Variants in CORIN observed in about 807,000 individuals in gnomAD.
CORIN encodes corin, serine peptidase, also known as atrial natriuretic peptide-converting enzyme.
A neutral mutation model predicts 125.3 loss-of-function variants in CORIN; 117 were observed. That is an observed-to-expected ratio of 0.93 (90% confidence interval 0.80 to 1.09). The LOEUF is 1.09. Ranked by LOEUF, CORIN falls within the 50% of genes least tolerant of loss-of-function variation. CORIN has a pLI of 0.00. For synonymous variants in CORIN, 450 were observed against 466.4 expected (o/e 0.96, Z 0.45); for missense variants, 1,253 against 1,306.7 (o/e 0.96, Z 0.63).
intron 21 of CORIN, among the ~76,000 whole-genome samples, chr4:47,599,569 G>A (rs1721371813): frequency 6.6e-6 from 1 of 152,068 alleles, no homozygotes; most frequent in African/African-American, 2.4e-5. Flanking sequence ...TATAATGTTC[G>A]ATGTGTGTCT....
At position 47,670,283 on chromosome 4, in the gene CORIN, A is replaced by G. The variant is rs550675876; in HGVS notation, c.1357+4110T>C. 6.6e-5 allele frequency among the ~76,000 whole-genome samples: 10 copies of G among 152,300 alleles called. No individual in the cohort carries two copies. The South Asian group carries it at 1.9e-3, about 28-fold the overall frequency. On this transcript the variant is annotated intron_variant, in intron 10 of 21. Transcript: ENST00000273857. ...CTCCATGTCTTCATTCATTAATTCA[A>G]CGTGTTACCAAATGGTAATATTGTA...
rs200081124 is a variant in CORIN at position 47,611,736 on chromosome 4, TAA to T, written c.2541-8070_2541-8069del. ...CATGATATTGGCTGTGAGTTTGTCATAAGTGGCTGTTATTATTTAAGGGATGT... is the reference window on the plus strand; with the variant it reads ...CATGATATTGGCTGTGAGTTTGTCATGTGGCTGTTATTATTTAAGGGATGT... On this transcript the variant is annotated intron_variant, in intron 19 of 21. Coordinates refer to ENST00000273857, the MANE Select transcript of CORIN (RefSeq NM_006587.4). 1.8e-4 allele frequency among the ~76,000 whole-genome samples: 27 copies of T among 152,358 alleles called. No homozygotes were observed. In the East Asian group the frequency reaches 5.2e-3, roughly 29 times the overall value.
chr4:47,683,509 C>T (rs760544636), intron 7 of CORIN: 13 of 412,510 alleles, frequency 3.2e-5, no homozygotes, highest in Non-Finnish European at 5.2e-5. Context: ...TCCCATCCCA[C>T]TTCTTAAACA....
intron 4 of CORIN, among the ~76,000 whole-genome samples, chr4:47,760,587 T>C (rs1729402242): frequency 6.6e-6 from 1 of 152,254 alleles, no homozygotes; most frequent in African/African-American, 2.4e-5. Context: ...TTTAGCATAC[T>C]TGTTAACGGC....
At chr4:47,642,702 G>A (rs1723284291) in intron 15 of CORIN, 1 of 602,608 alleles carries the variant, frequency 1.7e-6, no homozygotes, top group Middle Eastern at 4.7e-4. Context: ...GGTAGGAGAT[G>A]TCTTTAATTC....
intron 8 of CORIN, among the ~76,000 whole-genome samples, chr4:47,679,380 T>A (rs1290158627): frequency 2.1e-5 from 3 of 142,082 alleles, no homozygotes; most frequent in South Asian, 2.3e-4. Flanking sequence ...TTTTTTTTTT[T>A]AAAGATGGAG....
chr4:47,605,462 C>A (rs1258980881), intron 19 of CORIN, among the ~76,000 whole-genome samples: 2 of 152,178 alleles, frequency 1.3e-5, no homozygotes, highest in African/African-American at 4.8e-5. Context: ...CACTCCCAGT[C>A]TCTCCTCCAC....
intron 19 of CORIN, among the ~76,000 whole-genome samples, chr4:47,606,203 C>T (rs1721638663): frequency 6.6e-6 from 1 of 152,082 alleles, no homozygotes; most frequent in Non-Finnish European, 1.5e-5. Flanking sequence ...GATTAAAATG[C>T]AGGTAGTACT....
chr4:47,743,017 T>C (rs182218869), intron 5 of CORIN, among the ~76,000 whole-genome samples: 6 of 152,126 alleles, frequency 3.9e-5, no homozygotes, highest in Admixed American at 2.0e-4. Context: ...TGGTGGTGGG[T>C]CAATTGAATA....
At chr4:47,641,823 G>C in intron 16 of CORIN, 97 bp downstream of exon 16, 3 of 1,406,900 alleles carry the variant, frequency 2.1e-6, no homozygotes, top group Admixed American at 2.0e-5. Flanking sequence ...CTTTGTTTGA[G>C]AGCACTAACT....
chr4:47,620,717 C>T lies in CORIN; in HGVS notation c.2540+2854G>A, dbSNP rs183809696. ...TTTTTTAAAAGAAAAGTTTACCTTT[C>T]GGTGTCTTACTGGTTGATGCCAGGC... On this transcript the variant is annotated intron_variant, in intron 19 of 21. Transcript: ENST00000273857. Among the ~76,000 whole-genome samples, 17 of 152,172 alleles carry T rather than the reference C, an allele frequency of 1.1e-4. No homozygotes were observed. In the East Asian group the frequency reaches 1.5e-3, roughly 14 times the overall value.
chr4:47,758,076 G>A (rs1367255570), intron 4 of CORIN, among the ~76,000 whole-genome samples: 2 of 151,492 alleles, frequency 1.3e-5, no homozygotes, highest in Non-Finnish European at 2.9e-5. Flanking sequence ...ACTATGCCTG[G>A]CTAATTTTTT....
chr4:47,710,299 G>A (rs1296881260), intron 5 of CORIN, among the ~76,000 whole-genome samples: 1 of 152,148 alleles, frequency 6.6e-6, no homozygotes, highest in Non-Finnish European at 1.5e-5. Flanking sequence ...AATGTGAAAT[G>A]TAACTTGTTT....
chr4:47,725,510 A>G (rs73144268), intron 5 of CORIN, among the ~76,000 whole-genome samples: 67 of 152,258 alleles, frequency 4.4e-4, no homozygotes, highest in African/African-American at 1.5e-3. Flanking sequence ...TGCAAAAGCA[A>G]TTTAATAGGA....
chr4:47,728,267 C>T (rs1243173712), intron 5 of CORIN, among the ~76,000 whole-genome samples: 8 of 152,030 alleles, frequency 5.3e-5, no homozygotes, highest in Admixed American at 2.0e-4. Context: ...TAGATAACTG[C>T]CACATTACTG....
chr4:47,750,845 G>C (rs1577889659), intron 4 of CORIN, among the ~76,000 whole-genome samples: 1 of 152,164 alleles, frequency 6.6e-6, no homozygotes, highest in East Asian at 1.9e-4. Context: ...AGTTAGGATG[G>C]AGGAGAGTGG....
chr4:47,654,982 C>T (rs1208443851), intron 12 of CORIN, among the ~76,000 whole-genome samples: 1 of 151,856 alleles, frequency 6.6e-6, no homozygotes, highest in Non-Finnish European at 1.5e-5. Flanking sequence ...TCAGCTTAGC[C>T]ACAGTAGAAT....
chr4:47,613,951 AG>A (rs1414716155), intron 19 of CORIN, among the ~76,000 whole-genome samples: 1 of 140,754 alleles, frequency 7.1e-6, no homozygotes, highest in Non-Finnish European at 1.5e-5. Context: ...TAAAACTTAA[AG>A]TATAATAAAA....
At chr4:47,609,398 C>A (rs1721784571) in intron 19 of CORIN, among the ~76,000 whole-genome samples, 1 of 152,104 alleles carries the variant, frequency 6.6e-6, no homozygotes, top group Non-Finnish European at 1.5e-5. Flanking sequence ...CGCCACCATG[C>A]CTGGCTAATT....
Sources: gnomAD v4.1 joint callset for allele counts (sites outside exome capture counted in the v4.1 genomes callset) on GRCh38, gnomAD v4.1.1 for gene constraint, MANE v1.5 for transcripts, NCBI Gene and HGNC (gene_info 2026-07-23, HGNC 2026-07-21) for gene names.